The following TBRG1 variants were observed in gnomAD, a reference collection of about 807,000 sequenced individuals.
TBRG1 encodes the protein transforming growth factor beta regulator 1, also known as nuclear interactor of ARF and MDM2.
In TBRG1, 31 loss-of-function variants were observed where a neutral mutation model predicts 44.0. The observed-to-expected ratio is 0.70, with a 90% CI of 0.53 to 0.95. The LOEUF is 0.95. Among genes scored for constraint, TBRG1 ranks in the 40% least tolerant of loss-of-function variants. The pLI, the probability that TBRG1 is intolerant of heterozygous loss-of-function variation, is 0.00. For synonymous variants in TBRG1, 171 were observed against 188.1 expected, an observed-to-expected ratio of 0.91 and a Z score of 0.74; for missense variants, 487 against 496.1, an observed-to-expected ratio of 0.98 and a Z score of 0.18.
chr11:124,630,466 AG>A lies in TBRG1; in HGVS notation c.819del (p.Thr274LeufsTer2). On this transcript the variant is annotated frameshift_variant, in exon 6 of 9. Coordinates refer to ENST00000441174, the MANE Select transcript of TBRG1 (RefSeq NM_032811.3). LOFTEE classifies it high-confidence loss of function. ...SADACHAELLRTISTTMGKLM... is the reference protein window; with the variant it reads ...SADACHAELLXTISTTMGKLM... ...AGATGCTTGTCATGCAGAACTGCTC[AG>A]GACTATAAGCACTACTATGTAAGTT... The A allele has an allele frequency of 6.2e-7, 1 of 1,613,104 alleles. No homozygotes were observed. The highest frequency in any genetic ancestry group is 8.5e-7 in the Non-Finnish European group (1 of 1,179,048).
At chr11:124,625,987 C>T (rs1942459758) in intron 3 of TBRG1, 84 bp downstream of exon 3, 1 of 1,451,906 alleles carries the variant, frequency 6.9e-7, no homozygotes. Flanking sequence ...CAGACACACA[C>T]AGCTGCAGAT....
intron 8 of TBRG1, chr11:124,631,715 T>G: frequency 2.1e-6 from 1 of 467,374 alleles, no homozygotes; most frequent in Non-Finnish European, 3.8e-6. Context: ...GAAAGTTTAC[T>G]GTGCAGGGAA....
intron 5 of TBRG1, among the ~76,000 whole-genome samples, chr11:124,628,523 T>TAA (rs201184255): frequency 6.5e-5 from 8 of 123,330 alleles, no homozygotes; most frequent in Admixed American, 2.4e-4. Flanking sequence ...AAAGCAATAT[T>TAA]AAAAAAAAAA....
chr11:124,623,112 C>T lies in TBRG1; in HGVS notation c.29C>T (p.Ser10Leu). The T allele has an allele frequency of 3.2e-6, 5 of 1,550,994 alleles. No homozygotes were observed. The highest frequency in any genetic ancestry group is 3.5e-6 in the Non-Finnish European group (4 of 1,146,880). The change falls in exon 1 of 9, where the codon TCG becomes TTG. Residue 10 changes from serine to leucine, a missense_variant. Physicochemically the swap from Ser to Leu is moderately radical, Grantham distance 145. Coordinates refer to ENST00000441174, the MANE Select transcript of TBRG1 (RefSeq NM_032811.3). MSLLDGLAS[S>L]PRAPLQSSKA... ...AGCCTGCTGGACGGCCTCGCTTCCTCGCCGCGGGCTCCGCTGCAGTCCAGC... is the reference window on the plus strand; with the variant it reads ...AGCCTGCTGGACGGCCTCGCTTCCTTGCCGCGGGCTCCGCTGCAGTCCAGC...
rs116342529 is a variant in TBRG1, at chr11:124,632,135, C to T, written c.1133C>T (p.Ser378Phe). The T allele has an allele frequency of 1.3e-4, 217 of 1,613,680 alleles. No individual in the cohort carries two copies. In the African/African-American group the frequency reaches 2.7e-3, roughly 20 times the overall value. The part of the protein sequence containing the change: ...LPELQPAAFV[S>F]SYQPMYLTHE... Reference sequence around the variant, plus strand: ...GAGCTTCAGCCTGCAGCCTTTGTGTCTTCTTACCAGCCCATGTACCTGACA... The same window carrying T: ...GAGCTTCAGCCTGCAGCCTTTGTGTTTTCTTACCAGCCCATGTACCTGACA... Residue 378 changes from serine (S) to phenylalanine (F), a missense_variant, in exon 9 of 9, where the codon TCT becomes TTT. Physicochemically the swap from Ser to Phe is radical, Grantham distance 155. Coordinates refer to ENST00000441174, the MANE Select transcript of TBRG1 (RefSeq NM_032811.3).
At chr11:124,630,527 G>A (rs1942585393) in intron 6 of TBRG1, 42 bp downstream of exon 6, 1 of 1,413,556 alleles carries the variant, frequency 7.1e-7, no homozygotes, top group Admixed American at 1.7e-5. Context: ...AAAGATCACT[G>A]TTGGTACAGT....
chr11:124,625,428 G>A (rs970903470), intron 2 of TBRG1, among the ~76,000 whole-genome samples: 8 of 152,176 alleles, frequency 5.3e-5, no homozygotes, highest in African/African-American at 7.2e-5. Context: ...GCCTAACACC[G>A]TCCAACATCA....
At chr11:124,626,770 A>G in intron 4 of TBRG1, 134 bp from the exon 5 acceptor site, 1 of 1,467,402 alleles carries the variant, frequency 6.8e-7, no homozygotes, top group Non-Finnish European at 9.3e-7. Context: ...TGTCTGCTAC[A>G]CAGCCTACTC....
chr11:124,635,088 C>T lies in TBRG1; in HGVS notation c.*2850C>T, dbSNP rs1435115185. Reference sequence around the variant, plus strand: ...TTTTCACACTATGTACTCTAGGTTCCTGGAGGTGAAAGGAATCTGGACTTA... The same window carrying T: ...TTTTCACACTATGTACTCTAGGTTCTTGGAGGTGAAAGGAATCTGGACTTA... On this transcript the variant is annotated 3_prime_UTR_variant, in exon 9 of 9. Transcript: ENST00000441174. The T allele has an allele frequency of 6.6e-6, 1 of 152,160 alleles. No homozygotes were observed. The allele number at this position is 152,160 out of a possible 1,614,324, so 9.4% of individuals were successfully genotyped here.
intron 3 of TBRG1, 25 bp downstream of exon 3, chr11:124,625,928 T>C: frequency 6.5e-7 from 1 of 1,532,630 alleles, no homozygotes; most frequent in South Asian, 1.3e-5. Flanking sequence ...TGATATCAGT[T>C]GCCCCAGTGA....
rs1591373252 is a variant in TBRG1 at position 124,625,796 on chromosome 11, A to G, written c.347A>G (p.Gln116Arg). The part of the protein sequence containing the change: ...YGVASSVGTI[Q>R]GAGPISGPST... Reference sequence around the variant, plus strand: ...GTGGCCAGCTCTGTGGGAACTATACAGGGAGCTGGGCCTATTTCAGGGCCC... The same window carrying G: ...GTGGCCAGCTCTGTGGGAACTATACGGGGAGCTGGGCCTATTTCAGGGCCC... The change falls in exon 3 of 9, where the codon CAG (glutamine) becomes CGG (arginine). Residue 116 changes from glutamine (Q) to arginine (R), a missense_variant. By Grantham distance (43) the Gln-to-Arg change is conservative. Transcript: ENST00000441174. 2 of 1,581,938 alleles carry G rather than the reference A, an allele frequency of 1.3e-6. No individual in the cohort carries two copies. Among genetic ancestry groups the G allele is most frequent in the Non-Finnish European group, 8.6e-7 (1 of 1,162,948 alleles).
Position 124,631,301 on chromosome 11 carries a change from G to A in TBRG1, c.974G>A (p.Cys325Tyr). Residue 325 changes from cysteine to tyrosine, a missense_variant, in exon 8 of 9, where the codon TGC becomes TAC. Physicochemically the swap from Cys to Tyr is radical, Grantham distance 194 (BLOSUM62 -2). Transcript: ENST00000441174. ...TACCAGTGGGTGAAATTTGATGTGT[G>A]CAAACCTGGAGATGGGCAGCTACCT... ...INYQWVKFDV[C>Y]KPGDGQLPEG... 6.2e-7 allele frequency: 1 copy of A among 1,608,156 alleles called. No individual in the cohort carries two copies. Among genetic ancestry groups the A allele is most frequent in the Non-Finnish European group, 8.5e-7 (1 of 1,177,232 alleles).
chr11:124,631,564 G>A, intron 8 of TBRG1, 147 bp downstream of exon 8: 1 of 867,494 alleles, frequency 1.2e-6, no homozygotes, highest in South Asian at 1.5e-5. Flanking sequence ...CTGAGTTAGA[G>A]GGGGACCTGC....
At chr11:124,629,799 TTTCC>T (rs1348534228) in intron 5 of TBRG1, 4 of 152,766 alleles carry the variant, frequency 2.6e-5, no homozygotes, top group African/African-American at 9.7e-5. Flanking sequence ...ACAGAAATAT[TTTCC>T]TGGCAAAAAA....
In TBRG1 at chr11:124,626,402, C is replaced by T. The variant is rs1284617477; in HGVS notation, c.455-71C>T. 57 of 1,345,722 alleles carry T rather than the reference C, an allele frequency of 4.2e-5. No homozygotes were observed. The Admixed American group carries it at 7.4e-4, about 17-fold the overall frequency. The allele number at this position is 1,345,722 out of a possible 1,614,324, so 83.4% of individuals were successfully genotyped here. On this transcript the variant is annotated intron_variant, in intron 3 of 8. Coordinates refer to ENST00000441174, the MANE Select transcript of TBRG1 (RefSeq NM_032811.3). ...ATTGGCTTATTGCCCTCACCATTCA[C>T]GTGCAAATTTATCCCTTCCCTTCAA...
rs1337343461 is a variant in TBRG1, at chr11:124,635,228, C to A, written c.*2990C>A. The A allele has an allele frequency of 6.6e-6, 1 of 152,180 alleles. No homozygotes were observed. Among genetic ancestry groups the A allele is most frequent in the Non-Finnish European group, 1.5e-5 (1 of 68,058 alleles). 9.4% of individuals were successfully genotyped at this position (152,180 alleles called of 1,614,324 possible). On this transcript the variant is annotated 3_prime_UTR_variant, in exon 9 of 9. Transcript: ENST00000441174. ...CTTTTTCTCAGGCATCAATCTGTTA[C>A]AAGGTTCATGGTTTCTATGGGGCCA...
In TBRG1 at chr11:124,633,993, A is replaced by G. The variant is rs1181835420; in HGVS notation, c.*1755A>G. The G allele has an allele frequency of 6.6e-6, 1 of 152,272 alleles. No homozygotes were observed. Among genetic ancestry groups the G allele is most frequent in the Non-Finnish European group, 1.5e-5 (1 of 68,050 alleles). The allele number at this position is 152,272 out of a possible 1,614,324, so 9.4% of individuals were successfully genotyped here. ...ACTATAGTGTGTACGTATACCACAT[A>G]TACATATACTTGTATGAAGATATGT... is the stretch of plus-strand genomic sequence containing the variant. On this transcript the variant is annotated 3_prime_UTR_variant, in exon 9 of 9. Transcript: ENST00000441174.
rs754690733 is a variant in TBRG1 at position 124,630,789 on chromosome 11, T to C, written c.881T>C (p.Phe294Ser). 1 of 1,608,114 alleles carries C rather than the reference T, an allele frequency of 6.2e-7. No homozygotes were observed. The highest frequency in any genetic ancestry group is 2.2e-5 in the East Asian group (1 of 44,760). Reference sequence around the variant, plus strand: ...CTGCTTCCAGCTGGAGCTGACTTTTTTGGATTTTCTCATCCAGCCATCCAC... The same window carrying C: ...CTGCTTCCAGCTGGAGCTGACTTTTCTGGATTTTCTCATCCAGCCATCCAC... Reference protein sequence around the residue: ...PNLLPAGADFFGFSHPAIHNL... With the variant: ...PNLLPAGADFSGFSHPAIHNL... Residue 294 changes from phenylalanine (F) to serine (S), a missense_variant, in exon 7 of 9, where the codon TTT (phenylalanine) becomes TCT (serine). By Grantham distance (155) the Phe-to-Ser change is radical. Coordinates refer to ENST00000441174, the MANE Select transcript of TBRG1 (RefSeq NM_032811.3).
Position 124,634,486 on chromosome 11 carries a change from G to A in TBRG1, c.*2248G>A, listed in dbSNP as rs1241154833. 6.6e-6 allele frequency: 1 copy of A among 152,134 alleles called. No homozygotes were observed. The highest frequency in any genetic ancestry group is 1.5e-5 in the Non-Finnish European group (1 of 68,016). The allele number at this position is 152,134 out of a possible 1,614,324, so 9.4% of individuals were successfully genotyped here. ...AAAAAAGGACTACCTTGGTGAGAAT[G>A]TAAGTTGTTTAATCCTTTGGGAGGG... On this transcript the variant is annotated 3_prime_UTR_variant, in exon 9 of 9. Transcript: ENST00000441174.
Sources: allele counts gnomAD v4.1 joint callset (sites outside exome capture counted in the v4.1 genomes callset), GRCh38; gene constraint gnomAD v4.1.1; transcripts MANE v1.5; gene names NCBI Gene and HGNC (gene_info 2026-07-23, HGNC 2026-07-21).